Variants in CNTLN observed in about 807,000 individuals in gnomAD.
CNTLN encodes centlein, centrosomal protein.
CNTLN carries 212 observed loss-of-function variants against 180.0 expected under a neutral mutation model. The ratio of observed to expected loss-of-function variants is 1.18; its 90% CI spans 1.05 to 1.32. The LOEUF (loss-of-function observed/expected upper bound fraction) is 1.32. Among genes scored for constraint, CNTLN ranks in the 40% most tolerant of loss-of-function variants. The pLI is 0.00. For synonymous variants in CNTLN, 722 were observed against 563.1 expected (o/e 1.28, Z -3.99); for missense variants, 2,095 against 1,610.9 (o/e 1.30, Z -5.14).
At chr9:17,373,228 C>G (rs1488679186) in intron 13 of CNTLN, among the ~76,000 whole-genome samples, 1 of 152,012 alleles carries the variant, frequency 6.6e-6, no homozygotes, top group Non-Finnish European at 1.5e-5. Flanking sequence ...TTTGGAAAAA[C>G]TTAAGAGTCC....
intron 18 of CNTLN, among the ~76,000 whole-genome samples, chr9:17,419,976 G>A (rs1156954097): frequency 2.6e-5 from 4 of 152,130 alleles, no homozygotes; most frequent in Admixed American, 2.0e-4. Flanking sequence ...GAGCAGTGGC[G>A]CAATCTCGGC....
chr9:17,256,770 A>G (rs1198399209), intron 5 of CNTLN, among the ~76,000 whole-genome samples: 1 of 151,670 alleles, frequency 6.6e-6, no homozygotes, highest in Non-Finnish European at 1.5e-5. Flanking sequence ...AGCAGAGGGG[A>G]TTTGGGGATT....
chr9:17,362,415 A>G (rs1055486391), intron 12 of CNTLN, among the ~76,000 whole-genome samples: 2 of 152,120 alleles, frequency 1.3e-5, no homozygotes, highest in African/African-American at 4.8e-5. Flanking sequence ...AGTATATATC[A>G]TGGGATCCCA....
intron 13 of CNTLN, among the ~76,000 whole-genome samples, chr9:17,370,398 T>A (rs1258401172): frequency 1.3e-5 from 2 of 152,140 alleles, no homozygotes; most frequent in Non-Finnish European, 2.9e-5. Context: ...GATAGTGGCA[T>A]GACATACTTA....
chr9:17,222,169 A>G (rs1197483341), intron 2 of CNTLN, among the ~76,000 whole-genome samples: 1 of 151,986 alleles, frequency 6.6e-6, no homozygotes, highest in East Asian at 1.9e-4. Flanking sequence ...CCCTTGAACT[A>G]TTTTGCCATT....
At chr9:17,389,368 T>G (rs1014222738) in intron 14 of CNTLN, among the ~76,000 whole-genome samples, 5 of 152,156 alleles carry the variant, frequency 3.3e-5, no homozygotes, top group African/African-American at 1.2e-4. Flanking sequence ...AACAATATTT[T>G]TATTTGCCAG....
intron 2 of CNTLN, among the ~76,000 whole-genome samples, chr9:17,196,411 G>A (rs570485729): frequency 1.3e-4 from 20 of 152,156 alleles, no homozygotes; most frequent in African/African-American, 4.6e-4. Flanking sequence ...TTTATAAAGG[G>A]ATTTTTAAAG....
intron 13 of CNTLN, among the ~76,000 whole-genome samples, chr9:17,374,187 G>A (rs1824561684): frequency 6.6e-6 from 1 of 152,126 alleles, no homozygotes; most frequent in African/African-American, 2.4e-5. Context: ...AAGCCACAGA[G>A]TGGGAGACAA....
At chr9:17,307,972 C>CCACACACACACACACA (rs3837233) in intron 7 of CNTLN, among the ~76,000 whole-genome samples, 2 of 137,816 alleles carry the variant, frequency 1.5e-5, no homozygotes, top group African/African-American at 2.7e-5. Context: ...GCCTTTAAAA[C>CCACACACACACACACA]CACACACACA....
chr9:17,226,229 A>T lies in CNTLN; in HGVS notation c.476A>T (p.Asp159Val). The change falls in exon 3 of 26, where the codon GAC (aspartate) becomes GTC (valine). Residue 159 changes from aspartate (D) to valine (V), a missense_variant. Transcript: ENST00000380647. ...GAAAAACAGAAATCTGAAGCTAAAG[A>T]CAGAAAAGTTCTAGAAATTCTGCAA... ...EREKQKSEAK[D>V]RKVLEILQVK... The T allele has an allele frequency of 6.3e-7, 1 of 1,581,134 alleles. No individual in the cohort carries two copies. Among genetic ancestry groups the T allele is most frequent in the Non-Finnish European group, 8.6e-7 (1 of 1,163,448 alleles).
chr9:17,454,706 C>T (rs371438911), intron 18 of CNTLN, among the ~76,000 whole-genome samples: 1 of 152,264 alleles, frequency 6.6e-6, no homozygotes, highest in Admixed American at 6.5e-5. Flanking sequence ...ATTCTGTCCT[C>T]GAGATCACCT....
intron 23 of CNTLN, among the ~76,000 whole-genome samples, chr9:17,473,727 T>G (rs553539059): frequency 1.3e-5 from 2 of 152,316 alleles, no homozygotes; most frequent in East Asian, 3.9e-4. Flanking sequence ...CACTTTCTTA[T>G]CTTCCATTCT....
At position 17,342,308 on chromosome 9, in the gene CNTLN, C is replaced by A. The variant is rs1821543763; in HGVS notation, c.1767-17C>A. 1 of 1,608,284 alleles carries A rather than the reference C, an allele frequency of 6.2e-7. No homozygotes were observed. The highest frequency in any genetic ancestry group is 1.3e-5 in the African/African-American group (1 of 74,608). ...TCAGACATGTTAATTGAAAAAGCAA[C>A]TTTGTTTTAAAAATAGGACTGAAAT... is the stretch of plus-strand genomic sequence containing the variant. On this transcript the variant is annotated splice_polypyrimidine_tract_variant and intron_variant, in intron 11 of 25. Transcript: ENST00000380647.
chr9:17,341,054 G>T, intron 11 of CNTLN, 106 bp downstream of exon 11: 1 of 1,020,956 alleles, frequency 9.8e-7, no homozygotes, highest in Non-Finnish European at 1.3e-6. Flanking sequence ...GAAATTATTT[G>T]GTAGTCAAAT....
At chr9:17,425,354 T>G (rs1408546563) in intron 18 of CNTLN, among the ~76,000 whole-genome samples, 1 of 152,130 alleles carries the variant, frequency 6.6e-6, no homozygotes, top group Non-Finnish European at 1.5e-5. Flanking sequence ...TTCTACTCTC[T>G]CTTCCATAAT....
Position 17,242,939 on chromosome 9 carries a change from G to GGTAGCTA in CNTLN, c.849+6351_849+6352insGTAGCTA, listed in dbSNP as rs1825585951. ...GATTGGTGTTAGCTCTTATTTAAAA[G>GGTAGCTA]TTTGGTAGAAATCAGCGGTGAAGCT... On this transcript the variant is annotated intron_variant, in intron 5 of 25. Transcript: ENST00000380647. Among the ~76,000 whole-genome samples, 5 of 152,264 alleles carry GGTAGCTA rather than the reference G, an allele frequency of 3.3e-5. No individual in the cohort carries two copies. In the South Asian group the frequency reaches 1.0e-3, roughly 32 times the overall value.
chr9:17,217,213 A>G (rs1823819150), intron 2 of CNTLN, among the ~76,000 whole-genome samples: 1 of 152,256 alleles, frequency 6.6e-6, no homozygotes, highest in Non-Finnish European at 1.5e-5. Flanking sequence ...TAATCTTTAT[A>G]CACATGGCAG....
At chr9:17,251,970 G>A (rs1826171252) in intron 5 of CNTLN, among the ~76,000 whole-genome samples, 2 of 151,744 alleles carry the variant, frequency 1.3e-5, no homozygotes, top group African/African-American at 2.4e-5. Flanking sequence ...GCTTACAGAT[G>A]TGAGTAAAAA....
chr9:17,505,984 G>T (rs1416240767), downstream of CNTLN, among the ~76,000 whole-genome samples: 1 of 151,794 alleles, frequency 6.6e-6, no homozygotes, highest in African/African-American at 2.4e-5. Flanking sequence ...AAGCAAATAT[G>T]CCCAACTGAT....
Sources: gnomAD v4.1 joint callset for allele counts (sites outside exome capture counted in the v4.1 genomes callset) on GRCh38, gnomAD v4.1.1 for gene constraint, MANE v1.5 for transcripts, NCBI Gene and HGNC (gene_info 2026-07-23, HGNC 2026-07-21) for gene names.